The following RABGAP1L variants were observed in gnomAD, a reference collection of about 807,000 sequenced individuals.
RABGAP1L encodes the protein RAB GTPase activating protein 1 like.
RABGAP1L carries 63 observed loss-of-function variants against 137.7 expected under a neutral mutation model. The ratio of observed to expected loss-of-function variants is 0.46; its 90% CI spans 0.37 to 0.56. RABGAP1L has a LOEUF of 0.56. Among genes scored for constraint, RABGAP1L ranks in the 20% least tolerant of loss-of-function variants. The pLI is 0.00. For missense variants in RABGAP1L, 1,095 were observed against 1,244.0 expected, an observed-to-expected ratio of 0.88 and a Z score of 1.80; for synonymous variants, 431 against 433.7, an observed-to-expected ratio of 0.99 and a Z score of 0.08.
At chr1:174,925,405 C>G (rs960997881) in intron 19 of RABGAP1L, among the ~76,000 whole-genome samples, 4 of 104,484 alleles carry the variant, frequency 3.8e-5, no homozygotes, top group Non-Finnish European at 8.5e-5. Context: ...ACAAAAAAAA[C>G]AGCTGGTGAA....
At chr1:174,809,646 AG>A (rs969521512) in intron 18 of RABGAP1L, among the ~76,000 whole-genome samples, 2 of 152,184 alleles carry the variant, frequency 1.3e-5, no homozygotes, top group African/African-American at 4.8e-5. Flanking sequence ...GTGCCTTCAG[AG>A]GACTTTCGGT....
chr1:174,837,207 CAA>C (rs35135708), intron 19 of RABGAP1L, among the ~76,000 whole-genome samples: 2,521 of 139,030 alleles, frequency 0.018, 57 homozygotes, highest in African/African-American at 0.052. Context: ...AACTCGGTCT[CAA>C]AAAAAAAAAA....
chr1:174,677,809 C>G (rs540742144), intron 14 of RABGAP1L, among the ~76,000 whole-genome samples: 1 of 151,650 alleles, frequency 6.6e-6, no homozygotes, highest in South Asian at 2.1e-4. Context: ...GCTTTAAATG[C>G]CTATATTAGA....
Position 174,612,939 on chromosome 1 carries a change from T to G in RABGAP1L, c.1711-24436T>G, listed in dbSNP as rs561772020. On this transcript the variant is annotated intron_variant, in intron 13 of 25. Transcript: ENST00000681986. ...ATTTTTTATTGCGTCTATTTGATTC[T>G]TCTCTCTTTTCTTCTTTATTAGTCT... is the stretch of plus-strand genomic sequence containing the variant. Among the ~76,000 whole-genome samples the G allele has an allele frequency of 2.3e-3, 353 of 151,936 alleles. 1 individual carries two copies. The highest frequency in any genetic ancestry group is 7.9e-3 in the African/African-American group (326 of 41,390).
chr1:174,392,783 T>C (rs1558195200), intron 12 of RABGAP1L, among the ~76,000 whole-genome samples: 2 of 151,968 alleles, frequency 1.3e-5, no homozygotes, highest in African/African-American at 2.4e-5. Flanking sequence ...TTTTAGAAAA[T>C]AGACATGTGG....
chr1:174,505,268 G>T (rs187200216), intron 13 of RABGAP1L, among the ~76,000 whole-genome samples: 16 of 152,206 alleles, frequency 1.1e-4, no homozygotes, highest in Admixed American at 4.6e-4. Flanking sequence ...AATCCATCTG[G>T]CATTTGCTGT....
At chr1:174,470,703 G>A (rs546919370) in intron 13 of RABGAP1L, among the ~76,000 whole-genome samples, 3 of 152,200 alleles carry the variant, frequency 2.0e-5, no homozygotes, top group African/African-American at 7.2e-5. Flanking sequence ...GGAGATGGAG[G>A]TTACAGTGAG....
intron 3 of RABGAP1L, among the ~76,000 whole-genome samples, chr1:174,229,578 TAGGC>T (rs911503914): frequency 6.6e-6 from 1 of 152,028 alleles, no homozygotes; most frequent in African/African-American, 2.4e-5. Flanking sequence ...GAGGGAAAGG[TAGGC>T]AGTGAGGCAA....
Position 174,831,760 on chromosome 1 carries a change from G to A in RABGAP1L, c.2340+19800G>A, listed in dbSNP as rs946023610. Among the ~76,000 whole-genome samples, 16 of 148,000 alleles carry A rather than the reference G, an allele frequency of 1.1e-4. 1 individual carries two copies. Among genetic ancestry groups the A allele is most frequent in the Admixed American group, 8.1e-4 (12 of 14,774 alleles). ...AACTAGCTTTATGTCTAGATAAAAC[G>A]CTACAACTTTGTTCCTTATAAAATA... On this transcript the variant is annotated intron_variant, in intron 19 of 25. Coordinates refer to ENST00000681986, the MANE Select transcript of RABGAP1L (RefSeq NM_001366446.1).
rs150255578 is a variant in RABGAP1L at position 174,222,465 on chromosome 1, G to A, written c.331+1301G>A. 1.2e-3 allele frequency among the ~76,000 whole-genome samples: 177 copies of A among 152,320 alleles called. 1 individual carries two copies. The highest frequency in any genetic ancestry group is 4.2e-3 in the African/African-American group (173 of 41,572). The stretch of plus-strand genomic sequence containing the variant: ...GATTAAGCATTAGAAAAATCTTTCA[G>A]TGTGGTTTACCACATAAAGTGGTGA... On this transcript the variant is annotated intron_variant, in intron 3 of 25. Transcript: ENST00000681986.
intron 19 of RABGAP1L, among the ~76,000 whole-genome samples, chr1:174,857,835 A>G (rs1459440658): frequency 6.6e-6 from 1 of 152,208 alleles, no homozygotes; most frequent in African/African-American, 2.4e-5. Context: ...AAAATAAAAG[A>G]AAGTTTTTCA....
chr1:174,679,650 C>T (rs938129615), intron 14 of RABGAP1L, among the ~76,000 whole-genome samples: 2 of 152,126 alleles, frequency 1.3e-5, no homozygotes, highest in Admixed American at 1.3e-4. Flanking sequence ...CTAACATTCA[C>T]AAACAACATG....
intron 19 of RABGAP1L, among the ~76,000 whole-genome samples, chr1:174,842,681 C>G (rs1409068416): frequency 6.6e-6 from 1 of 152,106 alleles, no homozygotes; most frequent in Non-Finnish European, 1.5e-5. Flanking sequence ...ACTCAAGATC[C>G]TAGTGCTGGT....
At chr1:174,208,027 T>G (rs1268885148) in intron 1 of RABGAP1L, among the ~76,000 whole-genome samples, 3 of 152,208 alleles carry the variant, frequency 2.0e-5, no homozygotes, top group Non-Finnish European at 4.4e-5. Context: ...ATCTCTACAT[T>G]AATTAGATCT....
chr1:174,823,859 A>C (rs1411339787), intron 19 of RABGAP1L, among the ~76,000 whole-genome samples: 3 of 152,208 alleles, frequency 2.0e-5, no homozygotes, highest in Non-Finnish European at 4.4e-5. Flanking sequence ...AATAAATTAG[A>C]AATTGGCTGG....
chr1:174,598,245 T>C (rs77897631), intron 13 of RABGAP1L, among the ~76,000 whole-genome samples: 1 of 150,198 alleles, frequency 6.7e-6, no homozygotes, highest in South Asian at 2.1e-4. Context: ...GGGGAATCCC[T>C]TGAACCCGGG....
At chr1:174,685,821 A>G (rs773233326) in intron 15 of RABGAP1L, among the ~76,000 whole-genome samples, 1 of 152,150 alleles carries the variant, frequency 6.6e-6, no homozygotes, top group Non-Finnish European at 1.5e-5. Flanking sequence ...TTGGCCTCCT[A>G]AAGTGCTGGG....
chr1:174,275,823 A>T lies in RABGAP1L; in HGVS notation c.1054-10A>T. 6.2e-7 allele frequency: 1 copy of T among 1,601,458 alleles called. No homozygotes were observed. On this transcript the variant is annotated splice_polypyrimidine_tract_variant and intron_variant, in intron 8 of 25. Coordinates refer to ENST00000681986, the MANE Select transcript of RABGAP1L (RefSeq NM_001366446.1). ...TCTTTTATCAGTAATTACTGTTTGA[A>T]TTTTTATAGGAATCCATGGGAAAGA...
At chr1:174,658,256 T>A (rs545124261) in intron 14 of RABGAP1L, among the ~76,000 whole-genome samples, 39 of 152,320 alleles carry the variant, frequency 2.6e-4, no homozygotes, top group South Asian at 8.3e-4. Flanking sequence ...TTTGTGATAT[T>A]TCCTGCTATT....
Sources: gnomAD v4.1 joint callset for allele counts (sites outside exome capture counted in the v4.1 genomes callset) on GRCh38, gnomAD v4.1.1 for gene constraint, MANE v1.5 for transcripts, NCBI Gene and HGNC (gene_info 2026-07-23, HGNC 2026-07-21) for gene names.